Variants in TESK2 observed in about 807,000 individuals in gnomAD.
TESK2 encodes the protein testis associated actin remodelling kinase 2.
TESK2 carries 39 observed loss-of-function variants against 57.1 expected under a neutral mutation model. The ratio of observed to expected loss-of-function variants is 0.68; its 90% CI spans 0.53 to 0.89. The LOEUF is 0.89. Ranked by LOEUF, TESK2 falls within the 40% of genes least tolerant of loss-of-function variation. The pLI is 0.00. For missense variants in TESK2, 646 were observed against 732.1 expected, an observed-to-expected ratio of 0.88 and a Z score of 1.36; for synonymous variants, 249 against 267.9, an observed-to-expected ratio of 0.93 and a Z score of 0.69.
chr1:45,439,400 A>C (rs1651351675), intron 2 of TESK2, among the ~76,000 whole-genome samples: 1 of 152,234 alleles, frequency 6.6e-6, no homozygotes, highest in African/African-American at 2.4e-5. Context: ...ATACTATGCA[A>C]TAAAATATAT....
At chr1:45,405,563 G>A (rs959823518) in intron 3 of TESK2, among the ~76,000 whole-genome samples, 7 of 151,650 alleles carry the variant, frequency 4.6e-5, no homozygotes, top group Non-Finnish European at 5.9e-5. Flanking sequence ...AGGCCGAGGC[G>A]GGCAGATCGC....
chr1:45,375,113 TTCAG>T (rs1339113843), intron 4 of TESK2, among the ~76,000 whole-genome samples: 2 of 152,192 alleles, frequency 1.3e-5, no homozygotes, highest in African/African-American at 4.8e-5. Flanking sequence ...TTTCTCTTTT[TTCAG>T]TCATTCACCA....
chr1:45,398,275 T>C (rs1352909948), intron 3 of TESK2, among the ~76,000 whole-genome samples: 2 of 152,042 alleles, frequency 1.3e-5, no homozygotes, highest in Non-Finnish European at 2.9e-5. Flanking sequence ...GAGATGTAAT[T>C]TCAAATATTT....
chr1:45,482,140 C>T (rs927722960), intron 1 of TESK2, among the ~76,000 whole-genome samples: 2 of 152,152 alleles, frequency 1.3e-5, no homozygotes, highest in African/African-American at 2.4e-5. Context: ...ATGCTTAGTG[C>T]AATACTGTAA....
rs755326965 is a variant in TESK2 at position 45,345,512 on chromosome 1, A to G, written c.1044T>C (p.Asp348=). 3 of 1,614,152 alleles carry G rather than the reference A, an allele frequency of 1.9e-6. 1 individual carries two copies. The South Asian group carries it at 3.3e-5, about 18-fold the overall frequency. The part of the protein sequence containing the change: ...APGVKRLSSL[D]DKIPHKSPCP... ...ATGGTGACTTGTGGGGGATCTTGTC[A>G]TCCAGTGAGCTTAGTCGCTTCACCC... The change falls in exon 11 of 11, where the codon GAT becomes GAC. Residue 348 remains aspartate (D), a synonymous_variant. Coordinates refer to ENST00000372086, the MANE Select transcript of TESK2 (RefSeq NM_007170.3).
chr1:45,461,946 T>G (rs1211511654), intron 1 of TESK2, among the ~76,000 whole-genome samples: 1 of 152,164 alleles, frequency 6.6e-6, no homozygotes, highest in Non-Finnish European at 1.5e-5. Context: ...CCAATCGTAC[T>G]CTCCCAGTTA....
chr1:45,355,604 G>A (rs776799388), intron 4 of TESK2, among the ~76,000 whole-genome samples, 155 bp from the exon 5 acceptor site: 1 of 152,082 alleles, frequency 6.6e-6, no homozygotes. Flanking sequence ...GGTAGGTGCT[G>A]CACACAATGA....
At chr1:45,445,624 C>CAAAAAAAAAA (rs747691865) in intron 2 of TESK2, among the ~76,000 whole-genome samples, 2 of 108,098 alleles carry the variant, frequency 1.9e-5, no homozygotes, top group Non-Finnish European at 1.9e-5. Context: ...CTGTCTCTAC[C>CAAAAAAAAAA]AAAAAAAAAA....
chr1:45,465,601 T>C (rs1236442809), intron 1 of TESK2, among the ~76,000 whole-genome samples: 1 of 152,182 alleles, frequency 6.6e-6, no homozygotes, highest in African/African-American at 2.4e-5. Flanking sequence ...AGTTTTACAA[T>C]AGCACAATAG....
chr1:45,449,567 T>C (rs893940035), intron 2 of TESK2, among the ~76,000 whole-genome samples: 1 of 152,158 alleles, frequency 6.6e-6, no homozygotes, highest in African/African-American at 2.4e-5. Context: ...ATTAATTAAT[T>C]AATTAATTAA....
intron 4 of TESK2, among the ~76,000 whole-genome samples, chr1:45,375,954 TGGG>T (rs1648403836): frequency 6.6e-6 from 1 of 152,200 alleles, no homozygotes; most frequent in East Asian, 1.9e-4. Flanking sequence ...CTATTATTTG[TGGG>T]CTAGCTTGCC....
At chr1:45,474,350 T>A (rs908253242) in intron 1 of TESK2, among the ~76,000 whole-genome samples, 7 of 151,794 alleles carry the variant, frequency 4.6e-5, no homozygotes, top group African/African-American at 1.7e-4. Flanking sequence ...TTCTGGGCCA[T>A]GCACAGTTGC....
At chr1:45,430,151 C>T (rs537227854) in intron 2 of TESK2, among the ~76,000 whole-genome samples, 43 of 152,242 alleles carry the variant, frequency 2.8e-4, no homozygotes, top group African/African-American at 9.6e-4. Context: ...ACCCTAAGCT[C>T]TGCTAACCCC....
chr1:45,416,072 C>CTTTTTT (rs34785518), intron 3 of TESK2, among the ~76,000 whole-genome samples: 12 of 59,304 alleles, frequency 2.0e-4, no homozygotes, highest in Non-Finnish European at 2.7e-4. Flanking sequence ...AATCTAGAGC[C>CTTTTTT]TTTTTTTTTT....
At chr1:45,423,139 G>A (rs1018654674) in intron 2 of TESK2, among the ~76,000 whole-genome samples, 1 of 152,078 alleles carries the variant, frequency 6.6e-6, no homozygotes, top group African/African-American at 2.4e-5. Flanking sequence ...CAACAGAAAA[G>A]AGTCCCTTCT....
chr1:45,411,089 C>T (rs970377967), intron 3 of TESK2, among the ~76,000 whole-genome samples: 1 of 152,182 alleles, frequency 6.6e-6, no homozygotes, highest in African/African-American at 2.4e-5. Flanking sequence ...TATAGTTCTA[C>T]AATTTCTTAC....
intron 2 of TESK2, among the ~76,000 whole-genome samples, chr1:45,444,273 T>C (rs1006215): frequency 2.0e-5 from 3 of 151,916 alleles, no homozygotes; most frequent in African/African-American, 7.3e-5. Context: ...TTTCTAAAAC[T>C]TTGGTCCAAG....
At chr1:45,399,678 G>C (rs1649520171) in intron 3 of TESK2, among the ~76,000 whole-genome samples, 1 of 152,082 alleles carries the variant, frequency 6.6e-6, no homozygotes, top group Non-Finnish European at 1.5e-5. Context: ...TTGAACTCCT[G>C]TGCTCAAGCA....
chr1:45,347,876 C>T (rs373537151), intron 6 of TESK2, 42 bp downstream of exon 6: 10 of 1,540,850 alleles, frequency 6.5e-6, no homozygotes, highest in Middle Eastern at 1.7e-4. Context: ...TTAGCTTCAG[C>T]CCCCTGTCCC....
Sources: gnomAD v4.1 joint callset for allele counts (sites outside exome capture counted in the v4.1 genomes callset) on GRCh38, gnomAD v4.1.1 for gene constraint, MANE v1.5 for transcripts, NCBI Gene and HGNC (gene_info 2026-07-23, HGNC 2026-07-21) for gene names.